REV1: variants seen among roughly 807,000 people sequenced by gnomAD.
The protein encoded by REV1 is REV1 DNA directed polymerase.
A neutral mutation model predicts 137.4 loss-of-function variants in REV1; 42 were observed. The observed-to-expected ratio is 0.31, with a 90% CI of 0.24 to 0.40. REV1 has a LOEUF of 0.40. Among genes scored for constraint, REV1 ranks in the 10% least tolerant of loss-of-function variants. The pLI is 1.00. For missense variants in REV1, 1,282 were observed against 1,490.1 expected (o/e 0.86, Z 2.30); for synonymous variants, 524 against 519.2 (o/e 1.01, Z -0.12).
chr2:99,485,909 T>C (rs1293292244), intron 1 of REV1, among the ~76,000 whole-genome samples: 1 of 151,992 alleles, frequency 6.6e-6, no homozygotes, highest in East Asian at 1.9e-4. Context: ...CAGGAGACTG[T>C]AGCCCAAGAG....
Position 99,477,142 on chromosome 2 carries a change from T to C in REV1, c.-10-12157A>G, listed in dbSNP as rs543265050. ...CAGTATTCATTCTTCTTTCTTACTT[T>C]TAGTAATGGAACACCTCTCCCGCCC... is the stretch of plus-strand genomic sequence containing the variant. On this transcript the variant is annotated intron_variant, in intron 1 of 22. Coordinates refer to ENST00000258428, the MANE Select transcript of REV1 (RefSeq NM_016316.4). Among the ~76,000 whole-genome samples the C allele has an allele frequency of 1.8e-4, 28 of 152,240 alleles. No homozygotes were observed. The South Asian group carries it at 5.6e-3, about 30-fold the overall frequency.
intron 1 of REV1, among the ~76,000 whole-genome samples, chr2:99,485,768 G>A (rs1211492426): frequency 6.6e-6 from 1 of 152,098 alleles, no homozygotes; most frequent in East Asian, 1.9e-4. Flanking sequence ...TTTTTTAAAG[G>A]CGTTCCATAA....
chr2:99,410,025 T>C (rs923787653), intron 14 of REV1, among the ~76,000 whole-genome samples: 1 of 152,174 alleles, frequency 6.6e-6, no homozygotes, highest in Non-Finnish European at 1.5e-5. Flanking sequence ...TGTATCATTT[T>C]TTTGAGACAG....
chr2:99,431,799 T>C, intron 8 of REV1: 3 of 985,428 alleles, frequency 3.0e-6, no homozygotes, highest in African/African-American at 1.7e-5. Context: ...AGTTGCTTCA[T>C]GTGAGATTCA....
chr2:99,430,250 G>A (rs769914687), intron 8 of REV1, among the ~76,000 whole-genome samples: 41 of 151,638 alleles, frequency 2.7e-4, no homozygotes, highest in Non-Finnish European at 5.0e-4. Context: ...AGTCCCTGGA[G>A]GTGGACATGG....
At chr2:99,421,731 T>G in intron 10 of REV1, 78 bp from the exon 11 acceptor site, 1 of 1,407,432 alleles carries the variant, frequency 7.1e-7, no homozygotes, top group Admixed American at 2.4e-5. Flanking sequence ...AATAGTCTTC[T>G]TATCCTCTCT....
chr2:99,489,581 G>C, intron 1 of REV1, among the ~76,000 whole-genome samples: 1 of 148,798 alleles, frequency 6.7e-6, no homozygotes, highest in East Asian at 2.0e-4. Context: ...GGGAAGGGGA[G>C]GGGAGGTCAC....
At chr2:99,441,963 C>T (rs1435585803) in intron 5 of REV1, among the ~76,000 whole-genome samples, 1 of 152,008 alleles carries the variant, frequency 6.6e-6, no homozygotes, top group East Asian at 1.9e-4. Flanking sequence ...TGCTAAAAAC[C>T]AGCTTTGTGG....
chr2:99,414,856 A>C (rs976719927), intron 12 of REV1, among the ~76,000 whole-genome samples: 1 of 152,208 alleles, frequency 6.6e-6, no homozygotes, highest in African/African-American at 2.4e-5. Context: ...TAGTGTGTCC[A>C]TGTGTTGGGG....
At position 99,401,164 on chromosome 2, in the gene REV1, A is replaced by G. The variant is rs1041240700; in HGVS notation, c.*77T>C. ...TAAAATTATAAAAACTCCGAGCATTACTATCATGCACTTTGCAAATACCTC... is the reference window on the plus strand; with the variant it reads ...TAAAATTATAAAAACTCCGAGCATTGCTATCATGCACTTTGCAAATACCTC... On this transcript the variant is annotated 3_prime_UTR_variant, in exon 23 of 23. Transcript: ENST00000258428. The G allele has an allele frequency of 1.3e-6, 1 of 762,730 alleles. No individual in the cohort carries two copies. Among genetic ancestry groups the G allele is most frequent in the African/African-American group, 1.7e-5 (1 of 57,500 alleles). 47.2% of individuals were successfully genotyped at this position (762,730 alleles called of 1,614,324 possible). A position where few individuals can be genotyped will look rare whatever the true frequency, so the allele number is the denominator to read the frequency against.
chr2:99,414,080 G>T (rs892843650), intron 12 of REV1, among the ~76,000 whole-genome samples: 1 of 152,172 alleles, frequency 6.6e-6, no homozygotes, highest in Non-Finnish European at 1.5e-5. Context: ...CCTTGAGCCC[G>T]AGAGTTTGAG....
intron 4 of REV1, among the ~76,000 whole-genome samples, chr2:99,444,873 T>C (rs974196066): frequency 5.3e-5 from 8 of 152,318 alleles, no homozygotes; most frequent in South Asian, 2.1e-4. Flanking sequence ...GCAAAGGAAC[T>C]GTACTGACAT....
At position 99,442,393 on chromosome 2, in the gene REV1, T is replaced by C; in HGVS notation, c.427A>G (p.Ser143Gly). 6.2e-7 allele frequency: 1 copy of C among 1,613,842 alleles called. No individual in the cohort carries two copies. The highest frequency in any genetic ancestry group is 8.5e-7 in the Non-Finnish European group (1 of 1,179,866). Residue 143 changes from serine to glycine, a missense_variant, in exon 5 of 23, where the codon AGC (serine) becomes GGC (glycine). Around this residue, in one of 7 missense-constraint regions of REV1, gnomAD observed 432 missense variants for 438.0 expected, o/e 0.99. Coordinates refer to ENST00000258428, the MANE Select transcript of REV1 (RefSeq NM_016316.4). ...TCAGGTCTGCATACAGGATTAAAGC[T>C]GAGACCTTTCTGCACACTGGACTGC... ...TKQSSVQKGL[S>G]FNPVCRPEDP...
At chr2:99,438,559 G>C in intron 6 of REV1, 42 bp downstream of exon 6, 1 of 1,450,990 alleles carries the variant, frequency 6.9e-7, no homozygotes, top group Non-Finnish European at 9.6e-7. Context: ...AAATGATCAA[G>C]CATGACTGTT....
chr2:99,423,102 C>T (rs771849269), intron 10 of REV1, among the ~76,000 whole-genome samples: 6 of 152,180 alleles, frequency 3.9e-5, no homozygotes, highest in African/African-American at 7.2e-5. Flanking sequence ...ATTCAGCACT[C>T]ACTCCTACAT....
intron 2 of REV1, among the ~76,000 whole-genome samples, chr2:99,463,132 G>C (rs576557543): frequency 6.6e-6 from 1 of 151,698 alleles, no homozygotes; most frequent in African/African-American, 2.4e-5. Context: ...AAAACACATA[G>C]GTCAAAGAAG....
chr2:99,405,726 C>T (rs979269485), intron 17 of REV1, 184 bp downstream of exon 17: 2 of 436,584 alleles, frequency 4.6e-6, no homozygotes, highest in African/African-American at 2.0e-5. Flanking sequence ...AGCACTTTCA[C>T]TCAACCCAAA....
At chr2:99,476,781 G>T (rs1416016160) in intron 1 of REV1, among the ~76,000 whole-genome samples, 1 of 152,140 alleles carries the variant, frequency 6.6e-6, no homozygotes, top group Non-Finnish European at 1.5e-5. Context: ...CAAGGCTTGG[G>T]TGAGCTTCCC....
chr2:99,476,428 C>G (rs951805800), intron 1 of REV1, among the ~76,000 whole-genome samples: 1 of 152,002 alleles, frequency 6.6e-6, no homozygotes, highest in African/African-American at 2.4e-5. Context: ...TGGTGGCACA[C>G]GCCGGTAATC....
Sources: gnomAD v4.1 joint callset for allele counts (sites outside exome capture counted in the v4.1 genomes callset) on GRCh38, gnomAD v4.1.1 for gene constraint, gnomAD v4.1.1 regional missense constraint, MANE v1.5 for transcripts, NCBI Gene and HGNC (gene_info 2026-07-23, HGNC 2026-07-21) for gene names.